PHF8: variants seen among roughly 807,000 people sequenced by gnomAD.
The protein encoded by PHF8 is histone lysine demethylase PHF8.
Under a neutral mutation model 74.4 loss-of-function variants are expected in PHF8, and 9 were observed. The observed-to-expected ratio is 0.12, with a 90% CI of 0.07 to 0.21. The LOEUF (loss-of-function observed/expected upper bound fraction) is 0.21, where lower values mean the gene tolerates loss of function less well. Among genes scored for constraint, PHF8 ranks in the 10% least tolerant of loss-of-function variants. The pLI is 1.00. For synonymous variants in PHF8, 311 were observed against 316.6 expected (o/e 0.98, Z 0.19); for missense variants, 478 against 816.6 (o/e 0.59, Z 5.05).
intron 8 of PHF8, among the ~76,000 whole-genome samples, chrX:54,003,422 C>T (rs1407847226): frequency 7.2e-5 from 8 of 111,329 alleles, no homozygotes; most frequent in African/African-American, 2.6e-4. Context: ...TTTGGGAGGC[C>T]GAGGCGGGTG....
chrX:54,017,601 G>T, intron 5 of PHF8, 60 bp downstream of exon 5: 1 of 1,012,967 alleles, frequency 9.9e-7, no homozygotes, highest in Admixed American at 2.2e-5. Context: ...GGAGGGGAAG[G>T]GACACAGATC....
intron 20 of PHF8, 37 bp downstream of exon 20, chrX:53,944,097 T>G (rs782315046): frequency 1.2e-6 from 1 of 862,775 alleles, no homozygotes; most frequent in East Asian, 3.1e-5. Context: ...GTCAAACTGC[T>G]ATTAGTTGCA....
In PHF8 at chrX:53,979,976, G is replaced by A. The variant is rs369049292; in HGVS notation, c.2443+4938C>T. ...TACACTCCAGCCTGGGTGATAGAGC[G>A]AGACTGTGTCTAAATAAGTAAATAA... is the stretch of plus-strand genomic sequence containing the variant. On this transcript the variant is annotated intron_variant, in intron 18 of 21. Coordinates refer to ENST00000338154, the MANE Select transcript of PHF8 (RefSeq NM_015107.3). Among the ~76,000 whole-genome samples the A allele has an allele frequency of 2.2e-3, 242 of 111,348 alleles. 1 individual carries two copies. The highest frequency in any genetic ancestry group is 6.3e-3 in the African/African-American group (194 of 30,651).
At chrX:53,941,513 T>C (rs1421505744) in intron 20 of PHF8, among the ~76,000 whole-genome samples, 2 of 111,594 alleles carry the variant, frequency 1.8e-5, no homozygotes, top group African/African-American at 6.5e-5. Flanking sequence ...TGGTGGACAC[T>C]TGTATAGTGG....
In PHF8 at chrX:53,999,142, G is replaced by A. The variant is rs782466716; in HGVS notation, c.1233+728C>T. Reference sequence around the variant, plus strand: ...TACAGTTGACCCTTGAACAACATGGGTTTGAAATGTATGGGTCCGTTTATA... The same window carrying A: ...TACAGTTGACCCTTGAACAACATGGATTTGAAATGTATGGGTCCGTTTATA... On this transcript the variant is annotated intron_variant, in intron 11 of 21. Coordinates refer to ENST00000338154, the MANE Select transcript of PHF8 (RefSeq NM_015107.3). Among the ~76,000 whole-genome samples, 4 of 111,536 alleles carry A rather than the reference G, an allele frequency of 3.6e-5. No individual in the cohort carries two copies. The East Asian group carries it at 1.1e-3, about 31-fold the overall frequency.
chrX:53,967,646 G>A (rs1260966256), intron 18 of PHF8, among the ~76,000 whole-genome samples: 1 of 114,686 alleles, frequency 8.7e-6, no homozygotes, highest in East Asian at 2.7e-4. Flanking sequence ...GGGCCATGAT[G>A]ACAATGGTGG....
At chrX:54,016,484 ACT>A (rs2066071709) in intron 6 of PHF8, 109 bp downstream of exon 6, 2 of 669,272 alleles carry the variant, frequency 3.0e-6, no homozygotes, top group African/African-American at 2.2e-5. Context: ...ACAGAGCAAG[ACT>A]CTGTCTCAAA....
chrX:53,962,954 G>A lies in PHF8; in HGVS notation c.2444-15C>T, dbSNP rs1161303990. 2 of 1,016,541 alleles carry A rather than the reference G, an allele frequency of 2.0e-6. No homozygotes were observed. Among genetic ancestry groups the A allele is most frequent in the African/African-American group, 3.7e-5 (2 of 54,056 alleles). The allele number at this position is 1,016,541 out of a possible 1,213,427, so 83.8% of individuals were successfully genotyped here. On this transcript the variant is annotated splice_polypyrimidine_tract_variant and intron_variant, in intron 18 of 21. Coordinates refer to ENST00000338154, the MANE Select transcript of PHF8 (RefSeq NM_015107.3). ...TGAAGGATAGACTGCAGGGAGAAGG[G>A]AAAACAGGGTAAAATGAGATTTCAT...
At chrX:54,015,274 C>G (rs1440111973) in intron 6 of PHF8, among the ~76,000 whole-genome samples, 1 of 111,218 alleles carries the variant, frequency 9.0e-6, no homozygotes, top group Non-Finnish European at 1.9e-5. Flanking sequence ...GTTGTTTAAC[C>G]TTGCATCTTA....
rs782111817 is a variant in PHF8, at chrX:53,976,348, A to G, written c.2443+8566T>C. On this transcript the variant is annotated intron_variant, in intron 18 of 21. Coordinates refer to ENST00000338154, the MANE Select transcript of PHF8 (RefSeq NM_015107.3). Reference sequence around the variant, plus strand: ...AAAATAGAATAAAAATAGCAAAAAAAGAAACGAAAAAGGTCTCAAATAAAT... The same window carrying G: ...AAAATAGAATAAAAATAGCAAAAAAGGAAACGAAAAAGGTCTCAAATAAAT... Among the ~76,000 whole-genome samples, 30 of 111,378 alleles carry G rather than the reference A, an allele frequency of 2.7e-4. No homozygotes were observed. In the South Asian group the frequency reaches 0.011, roughly 40 times the overall value.
At chrX:53,982,060 G>A (rs1262735641) in intron 18 of PHF8, among the ~76,000 whole-genome samples, 1 of 112,278 alleles carries the variant, frequency 8.9e-6, no homozygotes, top group East Asian at 2.8e-4. Context: ...TGGTTGCTGG[G>A]CAAAGTAGGG....
chrX:54,029,927 A>C (rs56311927), intron 2 of PHF8, among the ~76,000 whole-genome samples: 13,445 of 110,842 alleles, frequency 0.12, 827 homozygotes, highest in African/African-American at 0.22. Context: ...CCATGTGACT[A>C]TAACGATTGC....
Position 54,034,134 on chromosome X carries a change from A to G in PHF8, c.98+8497T>C, listed in dbSNP as rs1397160572. 2.5e-4 allele frequency among the ~76,000 whole-genome samples: 28 copies of G among 111,799 alleles called. No individual in the cohort carries two copies. The Admixed American group carries it at 2.7e-3, about 11-fold the overall frequency. On this transcript the variant is annotated intron_variant, in intron 2 of 21. Transcript: ENST00000338154. ...AAGATAGAACAATAGAAATTATCCA[A>G]TCTGAACAACAGAAAGAAAACAGAT...
At chrX:54,029,102 C>G (rs782778840) in intron 2 of PHF8, among the ~76,000 whole-genome samples, 1 of 112,001 alleles carries the variant, frequency 8.9e-6, no homozygotes, top group Admixed American at 9.5e-5. Flanking sequence ...CATGTCCTAT[C>G]AACTCTCTTT....
chrX:53,991,694 G>C (rs1557101424), intron 14 of PHF8, among the ~76,000 whole-genome samples: 1 of 100,170 alleles, frequency 1.0e-5, no homozygotes. Context: ...AACAAAACTT[G>C]GTATGAGAAG....
chrX:53,967,497 G>T (rs1192031784), intron 18 of PHF8, among the ~76,000 whole-genome samples: 1 of 104,550 alleles, frequency 9.6e-6, no homozygotes, highest in Non-Finnish European at 2.0e-5. Flanking sequence ...AGGTGGGGGG[G>T]TCAGCCCTCC....
Position 54,044,053 on chromosome X carries a change from G to A in PHF8, c.-384C>T. 2 of 755,085 alleles carry A rather than the reference G, an allele frequency of 2.6e-6. No homozygotes were observed. Among genetic ancestry groups the A allele is most frequent in the Non-Finnish European group, 3.1e-6 (2 of 639,485 alleles). 62.2% of individuals were successfully genotyped at this position (755,085 alleles called of 1,213,427 possible). On this transcript the variant is annotated 5_prime_UTR_variant, in exon 1 of 22. Coordinates refer to ENST00000338154, the MANE Select transcript of PHF8 (RefSeq NM_015107.3). ...CGCTCGCCTTCCCCTCGAGCCCCCC[G>A]CTGGGTCGCGCGGCGCCAGCCGCTC...
intron 11 of PHF8, among the ~76,000 whole-genome samples, chrX:53,996,504 G>A (rs991437887): frequency 4.6e-5 from 5 of 109,673 alleles, no homozygotes; most frequent in African/African-American, 6.6e-5. Context: ...AGGTGGCCCA[G>A]GGAAGCCAAA....
intron 18 of PHF8, among the ~76,000 whole-genome samples, chrX:53,971,393 T>C (rs891276695): frequency 9.0e-6 from 1 of 110,641 alleles, no homozygotes; most frequent in East Asian, 2.8e-4. Context: ...TAGAAAGATC[T>C]CAAAATTCAC....
Sources: gnomAD v4.1 joint callset for allele counts (sites outside exome capture counted in the v4.1 genomes callset) on GRCh38, gnomAD v4.1.1 for gene constraint, MANE v1.5 for transcripts, NCBI Gene and HGNC (gene_info 2026-07-23, HGNC 2026-07-21) for gene names.